Variants in ATP2B1 observed in about 807,000 individuals in gnomAD.
The protein encoded by ATP2B1 is ATPase plasma membrane Ca2+ transporting 1.
In ATP2B1, 14 loss-of-function variants were observed where a neutral mutation model predicts 124.2. That is an observed-to-expected ratio of 0.11 (90% confidence interval 0.07 to 0.18). ATP2B1 has a LOEUF of 0.18. Ranked by LOEUF, ATP2B1 falls within the 10% of genes least tolerant of loss-of-function variation. ATP2B1 has a pLI of 1.00. For missense variants in ATP2B1, 763 were observed against 1,466.1 expected (o/e 0.52, Z 7.83); for synonymous variants, 449 against 492.4 (o/e 0.91, Z 1.17).
intron 3 of ATP2B1, among the ~76,000 whole-genome samples, chr12:89,638,266 T>C (rs1883001330): frequency 6.6e-6 from 1 of 152,192 alleles, no homozygotes; most frequent in Admixed American, 6.5e-5. Context: ...CTGAGAGACA[T>C]GCACAATCTA....
At chr12:89,662,291 C>CA (rs1886805111) in intron 1 of ATP2B1, among the ~76,000 whole-genome samples, 1 of 152,074 alleles carries the variant, frequency 6.6e-6, no homozygotes, top group Admixed American at 6.6e-5. Context: ...GTCCTTCAAC[C>CA]ATGATAATTT....
chr12:89,650,648 T>C (rs1021371694), intron 2 of ATP2B1, among the ~76,000 whole-genome samples: 1 of 152,232 alleles, frequency 6.6e-6, no homozygotes, highest in Non-Finnish European at 1.5e-5. Context: ...TCTTACAGAA[T>C]ACCACTTGGC....
chr12:89,637,416 A>ATT (rs112164038), intron 3 of ATP2B1, among the ~76,000 whole-genome samples: 141,260 of 149,588 alleles, frequency 0.94, 66,743 homozygotes, highest in East Asian at 0.99. Context: ...TTAAATTTTA[A>ATT]TTTTTTCTTT....
chr12:89,618,566 T>C (rs567553930), intron 11 of ATP2B1, among the ~76,000 whole-genome samples: 1 of 152,356 alleles, frequency 6.6e-6, no homozygotes, highest in Non-Finnish European at 1.5e-5. Context: ...TAACTGAGTG[T>C]ACTGTGGCAA....
intron 1 of ATP2B1, among the ~76,000 whole-genome samples, chr12:89,701,123 T>C (rs1326570135): frequency 1.3e-5 from 2 of 152,206 alleles, no homozygotes; most frequent in Admixed American, 1.3e-4. Context: ...ACAGACCATA[T>C]ACCTACTCTT....
At chr12:89,597,455 A>G (rs953923689) in intron 20 of ATP2B1, among the ~76,000 whole-genome samples, 2 of 152,214 alleles carry the variant, frequency 1.3e-5, no homozygotes, top group African/African-American at 4.8e-5. Flanking sequence ...CCTGTAAAAC[A>G]GGGACAGTTC....
At chr12:89,704,709 C>T (rs907778393) in intron 1 of ATP2B1, among the ~76,000 whole-genome samples, 1 of 152,122 alleles carries the variant, frequency 6.6e-6, no homozygotes, top group Non-Finnish European at 1.5e-5. Context: ...TATGTAAATA[C>T]ATTCTGAAAA....
chr12:89,676,287 A>C (rs1888597472), intron 1 of ATP2B1, among the ~76,000 whole-genome samples: 1 of 152,204 alleles, frequency 6.6e-6, no homozygotes, highest in Non-Finnish European at 1.5e-5. Flanking sequence ...ATTGCAAAAG[A>C]AATTACAGAC....
intron 1 of ATP2B1, among the ~76,000 whole-genome samples, chr12:89,659,949 A>G (rs559180918): frequency 1.3e-5 from 2 of 151,436 alleles, no homozygotes; most frequent in South Asian, 4.2e-4. Flanking sequence ...AACAAAAAAG[A>G]AGAGAAAAGT....
intron 2 of ATP2B1, among the ~76,000 whole-genome samples, chr12:89,644,989 A>C (rs2136271393): frequency 6.6e-6 from 1 of 152,310 alleles, no homozygotes; most frequent in South Asian, 2.1e-4. Flanking sequence ...ACTAACACAC[A>C]CAAAAGCACA....
chr12:89,705,309 A>G (rs1892324757), intron 1 of ATP2B1, among the ~76,000 whole-genome samples: 1 of 152,100 alleles, frequency 6.6e-6, no homozygotes, highest in African/African-American at 2.4e-5. Context: ...CATGACAGCT[A>G]CTAGAAAATA....
At chr12:89,598,065 C>CAAAAAAAAAAAAAA (rs1565797438) in intron 20 of ATP2B1, among the ~76,000 whole-genome samples, 8 of 49,674 alleles carry the variant, frequency 1.6e-4, no homozygotes, top group Admixed American at 3.8e-4. Context: ...AAAAAAAAAT[C>CAAAAAAAAAAAAAA]AAAGCAAGGC....
chr12:89,691,960 G>A (rs540534354), intron 1 of ATP2B1, among the ~76,000 whole-genome samples: 2 of 152,218 alleles, frequency 1.3e-5, no homozygotes, highest in Admixed American at 1.3e-4. Flanking sequence ...GAAAATCACA[G>A]AATTTTCAAA....
chr12:89,635,046 C>G lies in ATP2B1; in HGVS notation c.612G>C (p.Gln204His). ...FTVIRGGQVIQIPVADITVGD... is the reference protein window; with the variant it reads ...FTVIRGGQVIHIPVADITVGD... ...CAACAGTAATGTCAGCTACAGGTAT[C>G]TGAATGACCTGACCACCCCTGATGA... The change falls in exon 4 of 21, where the codon CAG becomes CAC. Residue 204 changes from glutamine (Q) to histidine (H), a missense_variant. Coordinates refer to ENST00000428670, the MANE Select transcript of ATP2B1 (RefSeq NM_001366521.1). The G allele has an allele frequency of 6.2e-7, 1 of 1,613,976 alleles. No individual in the cohort carries two copies. Among genetic ancestry groups the G allele is most frequent in the Non-Finnish European group, 8.5e-7 (1 of 1,179,876 alleles).
At chr12:89,657,618 A>G (rs989450269) in intron 1 of ATP2B1, among the ~76,000 whole-genome samples, 2 of 152,222 alleles carry the variant, frequency 1.3e-5, no homozygotes, top group Admixed American at 6.5e-5. Context: ...TATGGTCCTC[A>G]TACTTCAGCA....
chr12:89,670,294 C>T lies in ATP2B1; in HGVS notation c.-221-14187G>A, dbSNP rs73437346. 3.1e-3 allele frequency among the ~76,000 whole-genome samples: 471 copies of T among 151,264 alleles called. 2 individuals are homozygous for T. Among genetic ancestry groups the T allele is most frequent in the African/African-American group, 0.01 (429 of 41,242 alleles). On this transcript the variant is annotated intron_variant, in intron 1 of 20. Coordinates refer to ENST00000428670, the MANE Select transcript of ATP2B1 (RefSeq NM_001366521.1). ...TAAATAATAATAAAAATAATAAATA[C>T]GTTTAACAATAAATAAAAAATAAAT...
chr12:89,658,321 T>C (rs948307662), intron 1 of ATP2B1, among the ~76,000 whole-genome samples: 1 of 152,052 alleles, frequency 6.6e-6, no homozygotes, highest in African/African-American at 2.4e-5. Context: ...AAACTAGACA[T>C]ATGTAGCTTC....
intron 1 of ATP2B1, among the ~76,000 whole-genome samples, chr12:89,666,063 T>A (rs1887282494): frequency 6.6e-6 from 1 of 152,226 alleles, no homozygotes; most frequent in Admixed American, 6.5e-5. Context: ...TATAGTTTCA[T>A]AGTTGATGAT....
At chr12:89,707,599 A>AAT (rs1460659036) in intron 1 of ATP2B1, among the ~76,000 whole-genome samples, 2 of 152,164 alleles carry the variant, frequency 1.3e-5, no homozygotes, top group Non-Finnish European at 2.9e-5. Context: ...AGAAAAGGTA[A>AAT]ATATCAGCCT....
Sources: gnomAD v4.1 joint callset for allele counts (sites outside exome capture counted in the v4.1 genomes callset) on GRCh38, gnomAD v4.1.1 for gene constraint, MANE v1.5 for transcripts, NCBI Gene and HGNC (gene_info 2026-07-23, HGNC 2026-07-21) for gene names.